The following GOLM2 variants were observed in gnomAD, a reference collection of about 807,000 sequenced individuals.
GOLM2 encodes protein GOLM2.
GOLM2 carries 26 observed loss-of-function variants against 55.9 expected under a neutral mutation model. The ratio of observed to expected loss-of-function variants is 0.47; its 90% CI spans 0.34 to 0.65. GOLM2 has a LOEUF of 0.65. Among genes scored for constraint, GOLM2 ranks in the 30% least tolerant of loss-of-function variants. The pLI is 0.01. For synonymous variants in GOLM2, 165 were observed against 194.6 expected (o/e 0.85, Z 1.27); for missense variants, 486 against 531.8 (o/e 0.91, Z 0.85).
intron 1 of GOLM2, among the ~76,000 whole-genome samples, chr15:44,301,969 G>A (rs1471340099): frequency 6.6e-6 from 1 of 151,186 alleles, no homozygotes; most frequent in African/African-American, 2.4e-5. Flanking sequence ...TCCAGGCTGG[G>A]CAACAGAGTG....
At chr15:44,358,178 AC>A (rs2079210346) in intron 6 of GOLM2, among the ~76,000 whole-genome samples, 1 of 152,106 alleles carries the variant, frequency 6.6e-6, no homozygotes, top group South Asian at 2.1e-4. Context: ...ACATGGCAAA[AC>A]CCTGTCTCTA....
Position 44,332,052 on chromosome 15 carries a change from G to A in GOLM2, c.550G>A (p.Ala184Thr). Reference sequence around the variant, plus strand: ...GCATGAAGAAAATATTAAAAAGTTAGCAGACCAGTTTTTAGAGGAACAAAA... The same window carrying A: ...GCATGAAGAAAATATTAAAAAGTTAACAGACCAGTTTTTAGAGGAACAAAA... Reference protein sequence around the residue: ...AQHEENIKKLADQFLEEQKQE... With the variant: ...AQHEENIKKLTDQFLEEQKQE... Residue 184 changes from alanine (A) to threonine (T), a missense_variant, in exon 4 of 10, where the codon GCA (alanine) becomes ACA (threonine). By Grantham distance (58) the Ala-to-Thr change is moderately conservative. Coordinates refer to ENST00000299957, the MANE Select transcript of GOLM2 (RefSeq NM_138423.4). The A allele has an allele frequency of 2.5e-6, 4 of 1,596,878 alleles. No homozygotes were observed. The highest frequency in any genetic ancestry group is 3.4e-6 in the Non-Finnish European group (4 of 1,170,234).
At chr15:44,375,887 G>A (rs1238527946) in intron 6 of GOLM2, among the ~76,000 whole-genome samples, 4 of 152,322 alleles carry the variant, frequency 2.6e-5, no homozygotes, top group Admixed American at 6.5e-5. Context: ...CCATAAAAGT[G>A]TAATATGTAG....
chr15:44,302,998 G>A (rs1486489883), intron 1 of GOLM2, among the ~76,000 whole-genome samples: 1 of 152,066 alleles, frequency 6.6e-6, no homozygotes, highest in East Asian at 1.9e-4. Context: ...AGCTACTTGG[G>A]AGGCTGAGGC....
intron 6 of GOLM2, among the ~76,000 whole-genome samples, chr15:44,374,234 G>A (rs1013176865): frequency 2.0e-5 from 3 of 152,160 alleles, no homozygotes; most frequent in Non-Finnish European, 2.9e-5. Context: ...TTGGTGGCCT[G>A]TATTTTCTCT....
chr15:44,316,351 G>A (rs1353989622), intron 1 of GOLM2, among the ~76,000 whole-genome samples: 1 of 152,072 alleles, frequency 6.6e-6, no homozygotes, highest in African/African-American at 2.4e-5. Flanking sequence ...AAAAAACAGT[G>A]AACTATGAGA....
intron 6 of GOLM2, among the ~76,000 whole-genome samples, chr15:44,365,189 A>G (rs994170505): frequency 6.6e-6 from 1 of 152,198 alleles, no homozygotes; most frequent in African/African-American, 2.4e-5. Flanking sequence ...GGACAATGGA[A>G]TATTATTTAC....
At position 44,403,048 on chromosome 15, in the gene GOLM2, G is replaced by A. The variant is rs779703944; in HGVS notation, c.1234G>A (p.Val412Ile). The change falls in exon 9 of 10, where the codon GTC (valine) becomes ATC (isoleucine). Residue 412 changes from valine to isoleucine, a missense_variant. Coordinates refer to ENST00000299957, the MANE Select transcript of GOLM2 (RefSeq NM_138423.4). ...EEDGDGGEEDVQDDEERELQM... is the reference protein window; with the variant it reads ...EEDGDGGEEDIQDDEERELQM... ...AGATGGTGATGGTGGAGAGGAAGAC[G>A]TCCAAGGTGAGCGTGGGCCTGGCCT... 6 of 1,614,060 alleles carry A rather than the reference G, an allele frequency of 3.7e-6. No individual in the cohort carries two copies. The highest frequency in any genetic ancestry group is 2.2e-5 in the East Asian group (1 of 44,874).
At chr15:44,366,011 G>A (rs2141178552) in intron 6 of GOLM2, among the ~76,000 whole-genome samples, 1 of 152,246 alleles carries the variant, frequency 6.6e-6, no homozygotes, top group South Asian at 2.1e-4. Flanking sequence ...ACTGCTCTAA[G>A]TCTTGGCCGA....
At chr15:44,375,086 C>T (rs535227890) in intron 6 of GOLM2, among the ~76,000 whole-genome samples, 22 of 152,192 alleles carry the variant, frequency 1.4e-4, no homozygotes, top group African/African-American at 4.6e-4. Context: ...GGTGCTATCT[C>T]GGCTCACTGC....
At chr15:44,324,137 G>A (rs921911911) in intron 2 of GOLM2, among the ~76,000 whole-genome samples, 1 of 152,144 alleles carries the variant, frequency 6.6e-6, no homozygotes, top group Non-Finnish European at 1.5e-5. Flanking sequence ...TGTCATCAAA[G>A]TATACTTCTT....
chr15:44,352,971 G>A (rs2079174950), intron 6 of GOLM2, among the ~76,000 whole-genome samples: 1 of 151,080 alleles, frequency 6.6e-6, no homozygotes, highest in South Asian at 2.1e-4. Context: ...GAAGATATTT[G>A]CAAACTATCT....
chr15:44,333,067 G>A (rs1207232511), intron 4 of GOLM2, among the ~76,000 whole-genome samples: 2 of 152,004 alleles, frequency 1.3e-5, no homozygotes, highest in African/African-American at 4.8e-5. Context: ...CGAGTAGCTC[G>A]GACTACAGGC....
At chr15:44,363,050 G>T (rs1029050754) in intron 6 of GOLM2, among the ~76,000 whole-genome samples, 2 of 152,138 alleles carry the variant, frequency 1.3e-5, no homozygotes, top group African/African-American at 4.8e-5. Flanking sequence ...ATTCAAGATG[G>T]ATTAAAGACT....
intron 8 of GOLM2, among the ~76,000 whole-genome samples, chr15:44,397,865 G>A (rs141983240): frequency 9.5e-4 from 144 of 152,306 alleles, no homozygotes; most frequent in African/African-American, 3.1e-3. Flanking sequence ...TGGGATATAG[G>A]TAGCATTAAT....
chr15:44,407,006 C>T (rs927498640), intron 9 of GOLM2: 11 of 149,272 alleles, frequency 7.4e-5, no homozygotes, highest in Non-Finnish European at 7.4e-5. Flanking sequence ...GAATTGAGGC[C>T]TATTTTTCCT....
chr15:44,334,777 A>T (rs576462070), intron 4 of GOLM2, among the ~76,000 whole-genome samples: 1 of 152,324 alleles, frequency 6.6e-6, no homozygotes, highest in South Asian at 2.1e-4. Flanking sequence ...CACACCTGTA[A>T]TCCCACCATT....
At chr15:44,311,683 C>A (rs2078876156) in intron 1 of GOLM2, among the ~76,000 whole-genome samples, 1 of 151,686 alleles carries the variant, frequency 6.6e-6, no homozygotes, top group Non-Finnish European at 1.5e-5. Context: ...GGAGTCTCTC[C>A]CTGTCACCCA....
At position 44,369,068 on chromosome 15, in the gene GOLM2, TATA is replaced by T. The variant is rs2079307392; in HGVS notation, c.803-10621_803-10619del. ...GATATATACATATAATAGGATATAT[TATA>T]TATATATATATATATATATATATAT... On this transcript the variant is annotated intron_variant, in intron 6 of 9. Coordinates refer to ENST00000299957, the MANE Select transcript of GOLM2 (RefSeq NM_138423.4). Among the ~76,000 whole-genome samples the T allele has an allele frequency of 1.9e-3, 11 of 5,832 alleles. 1 individual carries two copies. The highest frequency in any genetic ancestry group is 4.9e-3 in the African/African-American group (11 of 2,260). The allele number at this position is 5,832 out of a possible 152,430, so 3.8% of individuals were successfully genotyped here.
Sources: gnomAD v4.1 joint callset for allele counts (sites outside exome capture counted in the v4.1 genomes callset) on GRCh38, gnomAD v4.1.1 for gene constraint, MANE v1.5 for transcripts, NCBI Gene and HGNC (gene_info 2026-07-23, HGNC 2026-07-21) for gene names.